Variants in PSTPIP2 observed in about 807,000 individuals in gnomAD.
The protein encoded by PSTPIP2 is proline-serine-threonine phosphatase-interacting protein 2.
Under a neutral mutation model 63.3 loss-of-function variants are expected in PSTPIP2, and 33 were observed. The ratio of observed to expected loss-of-function variants is 0.52; its 90% CI spans 0.40 to 0.70. The LOEUF (loss-of-function observed/expected upper bound fraction) is 0.70, where lower values mean the gene tolerates loss of function less well. PSTPIP2 is among the 30% of genes least tolerant of loss of function. The probability of loss-of-function intolerance (pLI) is 0.00; values close to 1 mark genes in which losing one functional copy is unlikely to be tolerated. For synonymous variants in PSTPIP2, 125 were observed against 132.7 expected (o/e 0.94, Z 0.40); for missense variants, 312 against 400.7 (o/e 0.78, Z 1.89).
At position 46,014,468 on chromosome 18, in the gene PSTPIP2, C is replaced by T. The variant is rs190187729; in HGVS notation, c.247+1435G>A. Among the ~76,000 whole-genome samples, 63 of 152,288 alleles carry T rather than the reference C, an allele frequency of 4.1e-4. No individual in the cohort carries two copies. In the East Asian group the frequency reaches 0.011, roughly 27 times the overall value. On this transcript the variant is annotated intron_variant, in intron 4 of 14. Coordinates refer to ENST00000409746, the MANE Select transcript of PSTPIP2 (RefSeq NM_024430.4). ...GCGTCTCACACCTGTAATCTCAGCA[C>T]TTTGGGAGGCCAAGGCAGGAAGATC...
intron 2 of PSTPIP2, among the ~76,000 whole-genome samples, chr18:46,031,742 T>TCCAAG (rs1182033987): frequency 6.6e-6 from 1 of 152,180 alleles, no homozygotes; most frequent in African/African-American, 2.4e-5. Context: ...TTTTGTTGTT[T>TCCAAG]CCAAGATAAG....
At chr18:46,054,626 GTAA>G (rs1908690736) in intron 1 of PSTPIP2, among the ~76,000 whole-genome samples, 1 of 151,498 alleles carries the variant, frequency 6.6e-6, no homozygotes, top group Non-Finnish European at 1.5e-5. Context: ...CAAGTTTTCT[GTAA>G]ACCTAAAACC....
intron 5 of PSTPIP2, among the ~76,000 whole-genome samples, chr18:46,007,485 G>C (rs561131869): frequency 6.6e-6 from 1 of 152,190 alleles, no homozygotes; most frequent in Non-Finnish European, 1.5e-5. Context: ...AGGAACCTGC[G>C]GTTCACATGC....
intron 9 of PSTPIP2, among the ~76,000 whole-genome samples, chr18:45,994,137 A>G (rs1323348966): frequency 6.6e-6 from 1 of 152,178 alleles, no homozygotes; most frequent in Non-Finnish European, 1.5e-5. Context: ...GAGGCCGTGT[A>G]CTTGTCTTCT....
chr18:46,067,575 A>G (rs1218777062), intron 1 of PSTPIP2, among the ~76,000 whole-genome samples: 1 of 151,966 alleles, frequency 6.6e-6, no homozygotes, highest in Non-Finnish European at 1.5e-5. Flanking sequence ...CTTAGTGTGT[A>G]AACAAACCGT....
chr18:46,019,993 C>G (rs1462620592), intron 3 of PSTPIP2, among the ~76,000 whole-genome samples: 1 of 152,196 alleles, frequency 6.6e-6, no homozygotes. Context: ...AGCCTTACAG[C>G]TAAATTGTCT....
chr18:46,047,448 C>T (rs1908423361), intron 1 of PSTPIP2, among the ~76,000 whole-genome samples: 1 of 152,104 alleles, frequency 6.6e-6, no homozygotes, highest in East Asian at 1.9e-4. Flanking sequence ...TGGCACGCGC[C>T]TGCAGTACTC....
chr18:46,000,959 A>T (rs1599703454), intron 6 of PSTPIP2, among the ~76,000 whole-genome samples: 1 of 152,356 alleles, frequency 6.6e-6, no homozygotes, highest in South Asian at 2.1e-4. Context: ...AAATAAAGAA[A>T]ATACGGCACA....
Position 45,985,331 on chromosome 18 carries a change from A to C in PSTPIP2, c.*128T>G. The C allele has an allele frequency of 2.2e-6, 3 of 1,349,388 alleles. No homozygotes were observed. Among genetic ancestry groups the C allele is most frequent in the Non-Finnish European group, 1.0e-6 (1 of 974,276 alleles). The allele number at this position is 1,349,388 out of a possible 1,614,324, so 83.6% of individuals were successfully genotyped here. On this transcript the variant is annotated 3_prime_UTR_variant, in exon 15 of 15. Coordinates refer to ENST00000409746, the MANE Select transcript of PSTPIP2 (RefSeq NM_024430.4). ...TCTACCATAAATTTTAAATCTCTAAAAAATTATAGCAAGGGTTCACTTCAA... is the reference window on the plus strand; with the variant it reads ...TCTACCATAAATTTTAAATCTCTAACAAATTATAGCAAGGGTTCACTTCAA...
chr18:45,992,207 T>TA lies in PSTPIP2; in HGVS notation c.742-6dup, dbSNP rs751314460. 6 of 1,542,146 alleles carry TA rather than the reference T, an allele frequency of 3.9e-6. No individual in the cohort carries two copies. Among genetic ancestry groups the TA allele is most frequent in the Non-Finnish European group, 4.4e-6 (5 of 1,142,900 alleles). The stretch of plus-strand genomic sequence containing the variant: ...CTTTCGGACTTGTTCGTACATCTAA[T>TA]AAAAAAAGGTCAATTAATAGGTAGA... On this transcript the variant is annotated splice_polypyrimidine_tract_variant and splice_region_variant and intron_variant, in intron 10 of 14. Coordinates refer to ENST00000409746, the MANE Select transcript of PSTPIP2 (RefSeq NM_024430.4).
intron 2 of PSTPIP2, chr18:46,028,747 C>T (rs1485413425): frequency 1.3e-5 from 13 of 973,434 alleles, no homozygotes; most frequent in Non-Finnish European, 2.2e-5. Context: ...ACTTAAGAAG[C>T]GACTTTAAGA....
At chr18:45,992,978 G>C (rs1360866280) in intron 10 of PSTPIP2, among the ~76,000 whole-genome samples, 5 of 151,818 alleles carry the variant, frequency 3.3e-5, no homozygotes, top group Non-Finnish European at 7.4e-5. Context: ...CGCCTGCCTT[G>C]GCCTCCCAAA....
chr18:45,990,173 G>A (rs2051511353), intron 13 of PSTPIP2, among the ~76,000 whole-genome samples: 1 of 152,066 alleles, frequency 6.6e-6, no homozygotes. Context: ...TAATCTTTTA[G>A]GTAAAATCTG....
chr18:46,058,640 T>G (rs1908865704), intron 1 of PSTPIP2, among the ~76,000 whole-genome samples: 1 of 152,214 alleles, frequency 6.6e-6, no homozygotes, highest in African/African-American at 2.4e-5. Flanking sequence ...ATTACATGCA[T>G]GAGCCACTGC....
chr18:46,019,624 A>T (rs1301635127), intron 3 of PSTPIP2, among the ~76,000 whole-genome samples: 1 of 152,132 alleles, frequency 6.6e-6, no homozygotes, highest in Non-Finnish European at 1.5e-5. Context: ...AACATGGTGT[A>T]ACCCCTTCTC....
chr18:46,011,522 C>T (rs757182595), intron 4 of PSTPIP2, among the ~76,000 whole-genome samples: 3 of 152,224 alleles, frequency 2.0e-5, no homozygotes, highest in Non-Finnish European at 2.9e-5. Flanking sequence ...CTGTTACTAA[C>T]CTAGGGTGCC....
chr18:46,061,306 CA>C (rs112035966), intron 1 of PSTPIP2, among the ~76,000 whole-genome samples: 6,375 of 115,624 alleles, frequency 0.055, 269 homozygotes, highest in African/African-American at 0.15. Context: ...TCCATTTCAC[CA>C]AAAAAAAAAA....
At chr18:46,072,039 C>G in intron 1 of PSTPIP2, 117 bp downstream of exon 1, 1 of 1,300,460 alleles carries the variant, frequency 7.7e-7, no homozygotes. Flanking sequence ...GCCAAGCCCC[C>G]GGGCGCGCGG....
Position 46,070,392 on chromosome 18 carries a change from C to T in PSTPIP2, c.33+1764G>A, listed in dbSNP as rs1235311732. Reference sequence around the variant, plus strand: ...TAAGACCTCCCCGTATCCAGCATCCCTGGCATGGGGCTGAGGGGTGGAGGC... The same window carrying T: ...TAAGACCTCCCCGTATCCAGCATCCTTGGCATGGGGCTGAGGGGTGGAGGC... On this transcript the variant is annotated intron_variant, in intron 1 of 14. Transcript: ENST00000409746. Among the ~76,000 whole-genome samples the T allele has an allele frequency of 2.0e-5, 3 of 152,222 alleles. No individual in the cohort carries two copies. The East Asian group carries it at 5.8e-4, about 29-fold the overall frequency.
Sources: allele counts gnomAD v4.1 joint callset (sites outside exome capture counted in the v4.1 genomes callset), GRCh38; gene constraint gnomAD v4.1.1; transcripts MANE v1.5; gene names NCBI Gene and HGNC (gene_info 2026-07-23, HGNC 2026-07-21).